ZSCAN23: variants seen among roughly 807,000 people sequenced by gnomAD.
The protein encoded by ZSCAN23 is zinc finger and SCAN domain-containing protein 23.
In ZSCAN23, 19 loss-of-function variants were observed where a neutral mutation model predicts 19.3. The observed-to-expected ratio is 0.99, with a 90% CI of 0.69 to 1.45. The LOEUF (loss-of-function observed/expected upper bound fraction) is 1.45. ZSCAN23 is among the 40% of genes most tolerant of loss of function. ZSCAN23 has a pLI of 0.00. For missense variants in ZSCAN23, 372 were observed against 462.5 expected (o/e 0.80, Z 1.79); for synonymous variants, 140 against 166.2 (o/e 0.84, Z 1.21).
chr6:28,434,792 C>A lies in ZSCAN23; in HGVS notation c.843G>T (p.Glu281Asp). 6.2e-7 allele frequency: 1 copy of A among 1,601,354 alleles called. No homozygotes were observed. Among genetic ancestry groups the A allele is most frequent in the South Asian group, 1.1e-5 (1 of 89,326 alleles). ...HTGEKPYECD[E>D]CGRAFSQRSG... is the part of the protein sequence containing the mutation. ...ACCTCTGGCTGAAGGCCCGCCCACA[C>A]TCATCACATTCATAAGGCTTCTCAC... The change falls in exon 4 of 4, where the codon GAG becomes GAT. Residue 281 changes from glutamate to aspartate, a missense_variant. By Grantham distance (45) the Glu-to-Asp change is conservative (BLOSUM62 2). Transcript: ENST00000289788.
rs1164282316 is a variant in ZSCAN23, at chr6:28,435,527, G to A, written c.489C>T (p.Asp163=). Residue 163 remains aspartate (D), a synonymous_variant, in exon 3 of 4, where the codon GAC becomes GAT. Transcript: ENST00000289788. Reference sequence around the variant, plus strand: ...GTTGCTCTTCCAAGGTTTGGAATTGGTCATTTGATGACTCCTGAGCTGCTC... The same window carrying A: ...GTTGCTCTTCCAAGGTTTGGAATTGATCATTTGATGACTCCTGAGCTGCTC... The part of the protein sequence containing the change: ...TPGAAQESSN[D]QFQTLEEQLG... The A allele has an allele frequency of 1.3e-6, 2 of 1,551,812 alleles. No individual in the cohort carries two copies. Among genetic ancestry groups the A allele is most frequent in the Non-Finnish European group, 1.7e-6 (2 of 1,147,030 alleles).
the ZSCAN23 span, among the ~76,000 whole-genome samples, chr6:28,421,632 G>A: frequency 6.6e-6 from 1 of 152,252 alleles, no homozygotes; most frequent in South Asian, 2.1e-4. Flanking sequence ...TTTTGATCAA[G>A]CCTGTACATT....
At position 28,434,204 on chromosome 6, in the gene ZSCAN23, T is replaced by A. The variant is rs962220549; in HGVS notation, c.*261A>T. The A allele has an allele frequency of 2.8e-6, 1 of 358,878 alleles. No individual in the cohort carries two copies. The highest frequency in any genetic ancestry group is 5.0e-6 in the Non-Finnish European group (1 of 200,736). 22.2% of individuals were successfully genotyped at this position (358,878 alleles called of 1,614,324 possible). A position where few individuals can be genotyped will look rare whatever the true frequency, so the allele number is the denominator to read the frequency against. ...AAAAACTAGGATGAAGAAGTTTTCCTGAAATAGAAAACTTCTTGCACAGAT... is the reference window on the plus strand; with the variant it reads ...AAAAACTAGGATGAAGAAGTTTTCCAGAAATAGAAAACTTCTTGCACAGAT... On this transcript the variant is annotated 3_prime_UTR_variant, in exon 4 of 4. Coordinates refer to ENST00000289788, the MANE Select transcript of ZSCAN23 (RefSeq NM_001012455.2).
chr6:28,442,758 A>G (rs1254648090), intron 1 of ZSCAN23, among the ~76,000 whole-genome samples: 1 of 152,212 alleles, frequency 6.6e-6, no homozygotes, highest in Non-Finnish European at 1.5e-5. Flanking sequence ...TACTCGCTCT[A>G]CGACCTTGGG....
In ZSCAN23 at chr6:28,435,895, C is replaced by T; in HGVS notation, c.372G>A (p.Glu124=). The T allele has an allele frequency of 6.2e-7, 1 of 1,611,766 alleles. No individual in the cohort carries two copies. Among genetic ancestry groups the T allele is most frequent in the Non-Finnish European group, 8.5e-7 (1 of 1,178,794 alleles). The change falls in exon 2 of 4, where the codon GAG becomes GAA. Residue 124 remains glutamate, a synonymous_variant. Coordinates refer to ENST00000289788, the MANE Select transcript of ZSCAN23 (RefSeq NM_001012455.2). ...VSGEEAVTVL[E]DLERELDDPG... ...GGTCATCCAGCTCTCTCTCCAAATC[C>T]TCCAGCACAGTCACTGCCTCCTCTC...
At chr6:28,443,158 C>A (rs1171721065) in intron 1 of ZSCAN23, among the ~76,000 whole-genome samples, 1 of 152,146 alleles carries the variant, frequency 6.6e-6, no homozygotes, top group Non-Finnish European at 1.5e-5. Flanking sequence ...CAGTACAGGG[C>A]AGAGAGGTTG....
intron 1 of ZSCAN23, among the ~76,000 whole-genome samples, chr6:28,442,838 A>G (rs1171553965): frequency 6.6e-6 from 1 of 152,226 alleles, no homozygotes; most frequent in Non-Finnish European, 1.5e-5. Flanking sequence ...GGTGGGGTGT[A>G]GTCTACATAA....
the ZSCAN23 span, among the ~76,000 whole-genome samples, chr6:28,424,934 T>A: frequency 6.6e-6 from 1 of 152,206 alleles, no homozygotes; most frequent in Admixed American, 6.5e-5. Context: ...GTGAATCCTC[T>A]CCAGAAGGTT....
Position 28,432,691 on chromosome 6 carries a change from AGTTT to A in ZSCAN23, c.*1770_*1773del, listed in dbSNP as rs1761783558. ...AATAGTGAGATTTTTCATCTATAGG[AGTTT>A]GTTAAACTATGGAGTATGAACAAAT... is the stretch of plus-strand genomic sequence containing the variant. On this transcript the variant is annotated 3_prime_UTR_variant, in exon 4 of 4. Coordinates refer to ENST00000289788, the MANE Select transcript of ZSCAN23 (RefSeq NM_001012455.2). The A allele has an allele frequency of 6.6e-6, 1 of 152,186 alleles. No individual in the cohort carries two copies. Among genetic ancestry groups the A allele is most frequent in the South Asian group, 2.1e-4 (1 of 4,832 alleles). 9.4% of individuals were successfully genotyped at this position (152,186 alleles called of 1,614,324 possible).
intron 3 of ZSCAN23, 120 bp downstream of exon 3, chr6:28,435,340 A>G: frequency 7.5e-7 from 1 of 1,338,208 alleles, no homozygotes; most frequent in Non-Finnish European, 1.0e-6. Flanking sequence ...TGCCTTGTTT[A>G]TCACTGTATC....
intron 1 of ZSCAN23, among the ~76,000 whole-genome samples, chr6:28,441,235 C>A (rs946440156): frequency 6.6e-6 from 1 of 152,156 alleles, no homozygotes; most frequent in African/African-American, 2.4e-5. Flanking sequence ...ACGACCCTCA[C>A]CTCCGCTGAC....
At position 28,435,592 on chromosome 6, in the gene ZSCAN23, G is replaced by A; in HGVS notation, c.424C>T (p.His142Tyr). 1 of 1,551,554 alleles carries A rather than the reference G, an allele frequency of 6.4e-7. No homozygotes were observed. Among genetic ancestry groups the A allele is most frequent in the Non-Finnish European group, 8.7e-7 (1 of 1,146,956 alleles). ...TCCTTTACAAACTCTTCCTGTTCAT[G>A]AGCATGGCTCAGGACCTGGTGGAAA... ...DPGEQVLSHA[H>Y]EQEEFVKEKA... The change falls in exon 3 of 4, where the codon CAT (histidine) becomes TAT (tyrosine). Residue 142 changes from histidine (H) to tyrosine (Y), a missense_variant. His to Tyr is a moderately conservative substitution (Grantham distance 83). Transcript: ENST00000289788.
chr6:28,421,783 C>G, the ZSCAN23 span, among the ~76,000 whole-genome samples: 69 of 152,146 alleles, frequency 4.5e-4, no homozygotes, highest in Admixed American at 4.4e-3. Context: ...GAAGAGAAAA[C>G]AGGAGAGGGT....
At chr6:28,428,759 A>G (rs751114597), downstream of ZSCAN23, among the ~76,000 whole-genome samples, 14 of 152,200 alleles carry the variant, frequency 9.2e-5, no homozygotes, top group Admixed American at 2.6e-4. Flanking sequence ...TAACTGCCCA[A>G]CTACTGTGCA....
chr6:28,423,867 T>TA, the ZSCAN23 span, among the ~76,000 whole-genome samples: 19 of 146,942 alleles, frequency 1.3e-4, no homozygotes, highest in African/African-American at 2.7e-4. Context: ...AGTGTGAAGG[T>TA]AAAAAAAAAA....
intron 2 of ZSCAN23, 58 bp from the exon 3 acceptor site, chr6:28,435,665 C>G: frequency 6.6e-7 from 1 of 1,508,166 alleles, no homozygotes; most frequent in Admixed American, 2.3e-5. Context: ...GGCAAGGAGG[C>G]CTCCTCAGGG....
intron 2 of ZSCAN23, 92 bp downstream of exon 2, chr6:28,435,767 A>G: frequency 6.9e-7 from 1 of 1,445,438 alleles, no homozygotes; most frequent in Non-Finnish European, 9.1e-7. Context: ...TCTGGCATAA[A>G]AAAAAAATCC....
the ZSCAN23 span, among the ~76,000 whole-genome samples, chr6:28,426,432 T>C: frequency 1.4e-4 from 22 of 152,106 alleles, no homozygotes; most frequent in Non-Finnish European, 2.1e-4. Flanking sequence ...GGGGGAATGG[T>C]TGGTTGGTGG....
Position 28,434,366 on chromosome 6 carries a change from A to T in ZSCAN23, c.*99T>A. On this transcript the variant is annotated 3_prime_UTR_variant, in exon 4 of 4. Transcript: ENST00000289788. ...GATATTATGCTTCTCTCTGCATAAA[A>T]GTAAGGGAATTTTTACTGGCTTTCC... 7.3e-7 allele frequency: 1 copy of T among 1,364,180 alleles called. No individual in the cohort carries two copies. Among genetic ancestry groups the T allele is most frequent in the Non-Finnish European group, 9.8e-7 (1 of 1,024,430 alleles). The allele number at this position is 1,364,180 out of a possible 1,614,324, so 84.5% of individuals were successfully genotyped here.
Sources: allele counts gnomAD v4.1 joint callset (sites outside exome capture counted in the v4.1 genomes callset), GRCh38; gene constraint gnomAD v4.1.1; transcripts MANE v1.5; gene names NCBI Gene and HGNC (gene_info 2026-07-23, HGNC 2026-07-21).